SCGB2B2: variants seen among roughly 807,000 people sequenced by gnomAD.
SCGB2B2 encodes secretoglobin-like protein.
In SCGB2B2, 11 loss-of-function variants were observed where a neutral mutation model predicts 7.6. That is an observed-to-expected ratio of 1.45 (90% confidence interval 0.91 to 2.40). The LOEUF (loss-of-function observed/expected upper bound fraction) is 2.40, where lower values mean the gene tolerates loss of function less well. SCGB2B2 is among the 30% of genes most tolerant of loss of function. The pLI, the probability that SCGB2B2 is intolerant of heterozygous loss-of-function variation, is 0.00. For missense variants in SCGB2B2, 104 were observed against 115.4 expected, an observed-to-expected ratio of 0.90 and a Z score of 0.45; for synonymous variants, 50 against 48.6, an observed-to-expected ratio of 1.03 and a Z score of -0.12.
At chr19:34,604,703 T>C (rs989299925) in intron 1 of SCGB2B2, among the ~76,000 whole-genome samples, 2 of 152,224 alleles carry the variant, frequency 1.3e-5, no homozygotes, top group Non-Finnish European at 2.9e-5. Context: ...CTTTGAAATT[T>C]GTTGAGATCT....
chr19:34,661,354 G>T (rs2067451938), intron 1 of SCGB2B2, among the ~76,000 whole-genome samples: 1 of 151,822 alleles, frequency 6.6e-6, no homozygotes, highest in East Asian at 1.9e-4. Flanking sequence ...AAATAAGGGA[G>T]ACCAAAATAA....
chr19:34,651,961 CAG>C (rs1349339779), intron 1 of SCGB2B2, among the ~76,000 whole-genome samples: 1 of 150,986 alleles, frequency 6.6e-6, no homozygotes, highest in Non-Finnish European at 1.5e-5. Flanking sequence ...ATAGATAACT[CAG>C]AAACACATCC....
chr19:34,614,846 G>A (rs917486603), intron 1 of SCGB2B2, among the ~76,000 whole-genome samples: 2 of 152,170 alleles, frequency 1.3e-5, no homozygotes, highest in Non-Finnish European at 2.9e-5. Flanking sequence ...ATAGTGGTAT[G>A]GTCTACATGT....
chr19:34,624,793 C>T (rs1361073861), intron 1 of SCGB2B2, among the ~76,000 whole-genome samples: 1 of 152,116 alleles, frequency 6.6e-6, no homozygotes, highest in Non-Finnish European at 1.5e-5. Flanking sequence ...GCCAACATTC[C>T]CAACACCCAA....
At chr19:34,618,298 T>C (rs369363125) in intron 1 of SCGB2B2, among the ~76,000 whole-genome samples, 15 of 152,368 alleles carry the variant, frequency 9.8e-5, no homozygotes, top group African/African-American at 3.6e-4. Context: ...AGTTTGACCA[T>C]AATGCAAACT....
At chr19:34,632,707 C>T (rs567581761) in intron 1 of SCGB2B2, 1 of 152,350 alleles carries the variant, frequency 6.6e-6, no homozygotes, top group South Asian at 2.1e-4. Context: ...AAAAGGTAAA[C>T]ATCCACTTAC....
chr19:34,610,558 T>C (rs2065898788), intron 1 of SCGB2B2, among the ~76,000 whole-genome samples: 1 of 152,162 alleles, frequency 6.6e-6, no homozygotes, highest in African/African-American at 2.4e-5. Context: ...CTGTGTCTAT[T>C]TATATGATCT....
intron 1 of SCGB2B2, among the ~76,000 whole-genome samples, chr19:34,622,798 C>T (rs2066273621): frequency 1.3e-5 from 2 of 152,094 alleles, no homozygotes; most frequent in Admixed American, 1.3e-4. Flanking sequence ...TAGGGGCTGC[C>T]TGAGTAATAA....
At chr19:34,643,391 A>T (rs543102949) in intron 1 of SCGB2B2, among the ~76,000 whole-genome samples, 2 of 152,220 alleles carry the variant, frequency 1.3e-5, no homozygotes, top group Non-Finnish European at 2.9e-5. Flanking sequence ...GGTAGAGAGT[A>T]GAAGGATAGA....
intron 1 of SCGB2B2, chr19:34,645,973 AC>A: frequency 6.5e-6 from 2 of 306,988 alleles, no homozygotes; most frequent in Non-Finnish European, 6.5e-6. Flanking sequence ...GCTCAATACA[AC>A]CCCAGCCCCC....
chr19:34,675,978 G>A lies in SCGB2B2; in HGVS notation c.-2380C>T, dbSNP rs1392574303. The A allele has an allele frequency of 1.3e-5, 2 of 152,248 alleles. No homozygotes were observed. Among genetic ancestry groups the A allele is most frequent in the African/African-American group, 2.4e-5 (1 of 41,444 alleles). 9.4% of individuals were successfully genotyped at this position (152,248 alleles called of 1,614,324 possible). A position where few individuals can be genotyped will look rare whatever the true frequency, so the allele number is the denominator to read the frequency against. On this transcript the variant is annotated 5_prime_UTR_variant, in exon 1 of 4. Transcript: ENST00000601241. ...TGTTGCAGCTCATAAAGGTAGTGCA[G>A]ACCCAAAGAGCAAAAGAACAAACAT...
chr19:34,603,105 G>A (rs2065677646), intron 1 of SCGB2B2, among the ~76,000 whole-genome samples: 1 of 152,156 alleles, frequency 6.6e-6, no homozygotes, highest in African/African-American at 2.4e-5. Context: ...AACAGTTGCA[G>A]ATTCTTCTGG....
intron 1 of SCGB2B2, among the ~76,000 whole-genome samples, chr19:34,652,561 C>G (rs140662725): frequency 6.6e-6 from 1 of 151,238 alleles, no homozygotes; most frequent in East Asian, 1.9e-4. Flanking sequence ...AGATCTGGCA[C>G]GTTCAGGGTG....
downstream of SCGB2B2, among the ~76,000 whole-genome samples, chr19:34,589,856 CT>C (rs919021481): frequency 2.4e-4 from 36 of 152,068 alleles, no homozygotes; most frequent in African/African-American, 8.5e-4. Flanking sequence ...CCCCCGAGGG[CT>C]TTTCCTGGAG....
intron 1 of SCGB2B2, among the ~76,000 whole-genome samples, chr19:34,669,570 C>T (rs1600073343): frequency 6.6e-6 from 1 of 152,206 alleles, no homozygotes; most frequent in Non-Finnish European, 1.5e-5. Flanking sequence ...CTCCCAATCC[C>T]ACGGTGCTCC....
chr19:34,591,007 G>T lies in SCGB2B2; in HGVS notation c.*2548C>A, dbSNP rs576551943. 1.3e-5 allele frequency among the ~76,000 whole-genome samples: 2 copies of T among 152,280 alleles called. No individual in the cohort carries two copies. Among genetic ancestry groups the T allele is most frequent in the South Asian group, 2.1e-4 (1 of 4,816 alleles). ...TTGCTACAAGCTGAGTTTTAATTGA[G>T]ACTGAATAAGTAGCATGATCTGCAT... On this transcript the variant is annotated 3_prime_UTR_variant, in exon 4 of 4. Coordinates refer to ENST00000601241, the MANE Select transcript of SCGB2B2 (RefSeq NM_001025591.4).
intron 1 of SCGB2B2, among the ~76,000 whole-genome samples, chr19:34,643,428 G>C (rs574196802): frequency 5.8e-4 from 89 of 152,206 alleles, no homozygotes; most frequent in African/African-American, 2.0e-3. Flanking sequence ...GGGTGTGGGT[G>C]GGGGGAGATG....
At chr19:34,605,905 T>C (rs1162043788) in intron 1 of SCGB2B2, among the ~76,000 whole-genome samples, 1 of 152,176 alleles carries the variant, frequency 6.6e-6, no homozygotes, top group African/African-American at 2.4e-5. Flanking sequence ...ATCTTAAAAT[T>C]TTAAAGGTAT....
chr19:34,589,778 CAGA>C (rs1407930201), downstream of SCGB2B2, among the ~76,000 whole-genome samples: 1 of 152,130 alleles, frequency 6.6e-6, no homozygotes, highest in Non-Finnish European at 1.5e-5. Context: ...GGTGTGGGGA[CAGA>C]AGATGTGGGC....
Sources: allele counts gnomAD v4.1 joint callset (sites outside exome capture counted in the v4.1 genomes callset), GRCh38; gene constraint gnomAD v4.1.1; transcripts MANE v1.5; gene names NCBI Gene and HGNC (gene_info 2026-07-23, HGNC 2026-07-21).